The following GNAQ variants were observed in gnomAD, a reference collection of about 807,000 sequenced individuals.
GNAQ encodes the protein guanine nucleotide-binding protein G(q) subunit alpha.
A neutral mutation model predicts 43.9 loss-of-function variants in GNAQ; 8 were observed. That is an observed-to-expected ratio of 0.18 (90% CI 0.11 to 0.33). GNAQ has a LOEUF of 0.33. GNAQ is among the 10% of genes least tolerant of loss of function. The probability of loss-of-function intolerance (pLI) is 1.00; values close to 1 mark genes in which losing one functional copy is unlikely to be tolerated. For missense variants in GNAQ, 158 were observed against 450.8 expected (o/e 0.35, Z 5.88); for synonymous variants, 155 against 170.7 (o/e 0.91, Z 0.71).
chr9:77,759,824 A>AAATC (rs1825961852), intron 5 of GNAQ, among the ~76,000 whole-genome samples: 1 of 152,124 alleles, frequency 6.6e-6, no homozygotes, highest in South Asian at 2.1e-4. Flanking sequence ...TAGATCTATT[A>AAATC]AATCACTGGA....
intron 1 of GNAQ, among the ~76,000 whole-genome samples, chr9:78,013,410 C>T (rs1309119767): frequency 6.6e-6 from 1 of 151,582 alleles, no homozygotes; most frequent in Non-Finnish European, 1.5e-5. Context: ...TGTGCTGCAC[C>T]CATTAACTCG....
chr9:77,765,320 A>G (rs569477550), intron 5 of GNAQ, among the ~76,000 whole-genome samples: 22 of 152,228 alleles, frequency 1.4e-4, no homozygotes, highest in Admixed American at 2.6e-4. Context: ...TTAAAAACGG[A>G]TATCACCTAT....
chr9:77,952,121 G>A (rs1035072491), intron 1 of GNAQ, among the ~76,000 whole-genome samples: 1 of 152,156 alleles, frequency 6.6e-6, no homozygotes, highest in Non-Finnish European at 1.5e-5. Flanking sequence ...TTGAGGTTTG[G>A]GTAGTATCTG....
chr9:77,873,795 G>A (rs1360151397), intron 2 of GNAQ, among the ~76,000 whole-genome samples: 4 of 152,158 alleles, frequency 2.6e-5, no homozygotes, highest in Non-Finnish European at 2.9e-5. Context: ...TTTCATGATC[G>A]TGGTAGTTCT....
At chr9:77,843,972 C>A (rs13440098) in intron 2 of GNAQ, among the ~76,000 whole-genome samples, 14,539 of 152,168 alleles carry the variant, frequency 0.096, 898 homozygotes, top group South Asian at 0.17. Context: ...GCTGACCACA[C>A]CCCACCATTC....
chr9:77,983,092 C>T (rs1226400910), intron 1 of GNAQ, among the ~76,000 whole-genome samples: 1 of 152,164 alleles, frequency 6.6e-6, no homozygotes, highest in Non-Finnish European at 1.5e-5. Context: ...ATTTACACTA[C>T]CCAGAATTCT....
intron 2 of GNAQ, among the ~76,000 whole-genome samples, chr9:77,861,702 A>T (rs974031968): frequency 2.0e-5 from 3 of 152,100 alleles, no homozygotes; most frequent in Admixed American, 6.6e-5. Context: ...TCCCGGTCAC[A>T]CTGATGCGTG....
chr9:78,014,538 A>AGAGG (rs1246716594), intron 1 of GNAQ, among the ~76,000 whole-genome samples: 1 of 152,062 alleles, frequency 6.6e-6, no homozygotes, highest in East Asian at 1.9e-4. Flanking sequence ...CCCGGGAAGC[A>AGAGG]GAGGTTGCTG....
intron 1 of GNAQ, among the ~76,000 whole-genome samples, chr9:78,011,788 T>C (rs1036041831): frequency 6.6e-6 from 1 of 152,010 alleles, no homozygotes; most frequent in Non-Finnish European, 1.5e-5. Flanking sequence ...GATACAGCAA[T>C]TAGAGGGAAG....
At chr9:78,030,758 C>T (rs1197149171) in intron 1 of GNAQ, among the ~76,000 whole-genome samples, 4 of 152,124 alleles carry the variant, frequency 2.6e-5, no homozygotes, top group Non-Finnish European at 5.9e-5. Flanking sequence ...ACCCCCGCGC[C>T]TCTGGTCGGA....
intron 5 of GNAQ, among the ~76,000 whole-genome samples, chr9:77,739,670 A>G (rs1825624112): frequency 6.6e-6 from 1 of 152,228 alleles, no homozygotes; most frequent in Non-Finnish European, 1.5e-5. Flanking sequence ...AACTTGCTGA[A>G]TATAAGCCAC....
intron 5 of GNAQ, among the ~76,000 whole-genome samples, chr9:77,753,255 T>C (rs1345310792): frequency 1.3e-5 from 2 of 152,006 alleles, no homozygotes; most frequent in Non-Finnish European, 2.9e-5. Context: ...GTATACTCAT[T>C]CACAAACACA....
chr9:77,994,737 C>T (rs1050020218), intron 1 of GNAQ, among the ~76,000 whole-genome samples: 4 of 152,136 alleles, frequency 2.6e-5, no homozygotes, highest in East Asian at 3.9e-4. Context: ...TTACTTCATT[C>T]GCCCCGTTAA....
At chr9:77,871,433 A>G (rs572635559) in intron 2 of GNAQ, among the ~76,000 whole-genome samples, 43 of 152,244 alleles carry the variant, frequency 2.8e-4, no homozygotes, top group Middle Eastern at 6.8e-3. Context: ...TTTTCAAAAC[A>G]CCCAGACTGG....
intron 5 of GNAQ, among the ~76,000 whole-genome samples, chr9:77,774,007 TA>T (rs201309704): frequency 6.6e-6 from 1 of 151,752 alleles, no homozygotes; most frequent in Non-Finnish European, 1.5e-5. Context: ...TTTTTTTTTT[TA>T]AAAAGGAAGA....
rs139009212 is a variant in GNAQ, at chr9:77,890,887, C to T, written c.321+31274G>A. 8.7e-3 allele frequency among the ~76,000 whole-genome samples: 1,318 copies of T among 152,280 alleles called. 16 individuals are homozygous for T. The highest frequency in any genetic ancestry group is 0.014 in the Non-Finnish European group (969 of 68,032). Reference sequence around the variant, plus strand: ...GTGGGGCACGTTTAGTTGCTCATGCCTACAATCCCAGTAGGAGGATCACTT... The same window carrying T: ...GTGGGGCACGTTTAGTTGCTCATGCTTACAATCCCAGTAGGAGGATCACTT... On this transcript the variant is annotated intron_variant, in intron 2 of 6. Transcript: ENST00000286548.
chr9:77,897,280 A>C (rs1416656565), intron 2 of GNAQ, among the ~76,000 whole-genome samples: 1 of 152,206 alleles, frequency 6.6e-6, no homozygotes, highest in Admixed American at 6.5e-5. Context: ...TTTATGATGA[A>C]GCTCTATTGA....
intron 1 of GNAQ, among the ~76,000 whole-genome samples, chr9:77,940,828 G>A (rs190057218): frequency 2.4e-4 from 36 of 152,038 alleles, no homozygotes; most frequent in South Asian, 6.2e-4. Flanking sequence ...TTAGCCGGGC[G>A]TGGTGGCAGA....
intron 1 of GNAQ, among the ~76,000 whole-genome samples, chr9:77,988,120 C>A (rs1823464741): frequency 6.6e-6 from 1 of 152,104 alleles, no homozygotes; most frequent in Non-Finnish European, 1.5e-5. Flanking sequence ...GAGGACAGAG[C>A]AGAGAGTGGA....
Sources: allele counts gnomAD v4.1 joint callset (sites outside exome capture counted in the v4.1 genomes callset), GRCh38; gene constraint gnomAD v4.1.1; transcripts MANE v1.5; gene names NCBI Gene and HGNC (gene_info 2026-07-23, HGNC 2026-07-21).